The following PTPN14 variants were observed in gnomAD, a reference collection of about 807,000 sequenced individuals.
The protein encoded by PTPN14 is protein tyrosine phosphatase non-receptor type 14, also known as tyrosine-protein phosphatase non-receptor type 14.
Under a neutral mutation model 126.8 loss-of-function variants are expected in PTPN14, and 53 were observed. That is an observed-to-expected ratio of 0.42 (90% confidence interval 0.34 to 0.53). PTPN14 has a LOEUF of 0.53. Among genes scored for constraint, PTPN14 ranks in the 20% least tolerant of loss-of-function variants. The probability of loss-of-function intolerance (pLI) is 0.08; values close to 1 mark genes in which losing one functional copy is unlikely to be tolerated. For synonymous variants in PTPN14, 630 were observed against 599.3 expected, an observed-to-expected ratio of 1.05 and a Z score of -0.75; for missense variants, 1,257 against 1,552.9, an observed-to-expected ratio of 0.81 and a Z score of 3.20.
At chr1:214,487,386 G>A (rs917889868) in intron 1 of PTPN14, among the ~76,000 whole-genome samples, 4 of 152,194 alleles carry the variant, frequency 2.6e-5, no homozygotes, top group Non-Finnish European at 5.9e-5. Flanking sequence ...AGCATGTTGG[G>A]AGGCTGAGGT....
chr1:214,418,322 T>C (rs914852773), intron 3 of PTPN14, among the ~76,000 whole-genome samples: 5 of 152,248 alleles, frequency 3.3e-5, no homozygotes, highest in Non-Finnish European at 5.9e-5. Context: ...CCACAGAAGC[T>C]TGGGGGCCAT....
intron 1 of PTPN14, among the ~76,000 whole-genome samples, chr1:214,540,996 A>G (rs1655820395): frequency 6.6e-6 from 1 of 152,202 alleles, no homozygotes; most frequent in African/African-American, 2.4e-5. Flanking sequence ...ACATTTATTG[A>G]ACATGTACTC....
At position 214,357,661 on chromosome 1, in the gene PTPN14, T is replaced by G; in HGVS notation, c.*261A>C. On this transcript the variant is annotated 3_prime_UTR_variant, in exon 19 of 19. Coordinates refer to ENST00000366956, the MANE Select transcript of PTPN14 (RefSeq NM_005401.5). ...ATATTACAATACAGATCAGTCAAGA[T>G]GTGGTTCAAATGAAAAGTACTATAT... 2 of 289,568 alleles carry G rather than the reference T, an allele frequency of 6.9e-6. No individual in the cohort carries two copies. 17.9% of individuals were successfully genotyped at this position (289,568 alleles called of 1,614,324 possible). A position where few individuals can be genotyped will look rare whatever the true frequency, so the allele number is the denominator to read the frequency against.
intron 1 of PTPN14, among the ~76,000 whole-genome samples, chr1:214,470,860 T>A (rs544621070): frequency 2.5e-3 from 299 of 121,568 alleles, no homozygotes; most frequent in African/African-American, 3.6e-3. Flanking sequence ...CTAAAAAAAA[T>A]ATATATATAT....
At chr1:214,548,053 T>C (rs1272090478) in intron 1 of PTPN14, among the ~76,000 whole-genome samples, 1 of 152,204 alleles carries the variant, frequency 6.6e-6, no homozygotes, top group African/African-American at 2.4e-5. Context: ...ATCCTTGACC[T>C]ATTCTGTGTG....
At chr1:214,409,554 C>T (rs866783029) in intron 5 of PTPN14, among the ~76,000 whole-genome samples, 5 of 152,136 alleles carry the variant, frequency 3.3e-5, no homozygotes, top group African/African-American at 1.2e-4. Context: ...CTTTGACATA[C>T]CATTTCATTT....
intron 3 of PTPN14, among the ~76,000 whole-genome samples, chr1:214,421,235 T>C (rs1659537477): frequency 6.6e-6 from 1 of 152,234 alleles, no homozygotes; most frequent in Non-Finnish European, 1.5e-5. Context: ...AATGATATAT[T>C]GATACATGCT....
At chr1:214,403,763 C>A (rs1267021433) in intron 5 of PTPN14, among the ~76,000 whole-genome samples, 2 of 152,238 alleles carry the variant, frequency 1.3e-5, no homozygotes, top group Non-Finnish European at 2.9e-5. Flanking sequence ...GCAATGCATT[C>A]TTGAGAAATT....
intron 1 of PTPN14, among the ~76,000 whole-genome samples, chr1:214,475,341 T>C (rs1384950743): frequency 6.6e-6 from 1 of 152,276 alleles, no homozygotes; most frequent in East Asian, 1.9e-4. Flanking sequence ...TAAAAGGCAG[T>C]AGGAAAAATT....
At chr1:214,421,476 G>C (rs1571989240) in intron 3 of PTPN14, among the ~76,000 whole-genome samples, 1 of 152,008 alleles carries the variant, frequency 6.6e-6, no homozygotes, top group East Asian at 1.9e-4. Context: ...AACACTAAAA[G>C]TCACTGAATT....
intron 1 of PTPN14, among the ~76,000 whole-genome samples, chr1:214,542,719 A>G (rs1302601960): frequency 6.6e-6 from 1 of 152,226 alleles, no homozygotes; most frequent in Non-Finnish European, 1.5e-5. Flanking sequence ...GCAAGGAAAC[A>G]GCACAACATT....
At chr1:214,458,138 C>T (rs1253287980) in intron 2 of PTPN14, among the ~76,000 whole-genome samples, 1 of 152,158 alleles carries the variant, frequency 6.6e-6, no homozygotes, top group East Asian at 1.9e-4. Flanking sequence ...CAGCCTCATT[C>T]TCCCGAGCTC....
chr1:214,499,013 C>T (rs964679631), intron 1 of PTPN14, among the ~76,000 whole-genome samples: 1 of 152,020 alleles, frequency 6.6e-6, no homozygotes, highest in Non-Finnish European at 1.5e-5. Flanking sequence ...CTATGTTGTC[C>T]AGGCTGGCCT....
intron 16 of PTPN14, 50 bp downstream of exon 16, chr1:214,372,661 C>T: frequency 6.2e-7 from 1 of 1,612,454 alleles, no homozygotes. Flanking sequence ...CATCTTCTGG[C>T]CACCCTTTCC....
At chr1:214,531,598 A>C (rs2102470356) in intron 1 of PTPN14, 1 of 151,788 alleles carries the variant, frequency 6.6e-6, no homozygotes, top group Non-Finnish European at 1.5e-5. Flanking sequence ...GATTTCTCGT[A>C]TCTGCCCTGC....
intron 5 of PTPN14, among the ~76,000 whole-genome samples, chr1:214,411,019 A>G (rs927869080): frequency 6.6e-6 from 1 of 152,146 alleles, no homozygotes; most frequent in East Asian, 1.9e-4. Context: ...GGATTGCATT[A>G]ATTTGTAGAT....
intron 3 of PTPN14, among the ~76,000 whole-genome samples, chr1:214,447,162 G>A (rs1660162116): frequency 6.6e-6 from 1 of 152,034 alleles, no homozygotes; most frequent in Non-Finnish European, 1.5e-5. Context: ...CGCTCCTAAT[G>A]AATGTTGTTG....
At chr1:214,472,058 C>T (rs1660771940) in intron 1 of PTPN14, among the ~76,000 whole-genome samples, 1 of 152,172 alleles carries the variant, frequency 6.6e-6, no homozygotes, top group African/African-American at 2.4e-5. Flanking sequence ...CCTGTGTGGG[C>T]GTCAGCTTTG....
chr1:214,402,089 T>A lies in PTPN14; in HGVS notation c.582-317A>T, dbSNP rs149986263. 2.4e-3 allele frequency among the ~76,000 whole-genome samples: 357 copies of A among 151,728 alleles called. 1 individual carries two copies. Among genetic ancestry groups the A allele is most frequent in the African/African-American group, 8.5e-3 (351 of 41,360 alleles). On this transcript the variant is annotated intron_variant, in intron 6 of 18. Coordinates refer to ENST00000366956, the MANE Select transcript of PTPN14 (RefSeq NM_005401.5). ...TTAAAAAGAAGTTATTTTTCTCCCA[T>A]CTGGGAGAAATCTTCATTATTAAAA...
Sources: allele counts gnomAD v4.1 joint callset (sites outside exome capture counted in the v4.1 genomes callset), GRCh38; gene constraint gnomAD v4.1.1; transcripts MANE v1.5; gene names NCBI Gene and HGNC (gene_info 2026-07-23, HGNC 2026-07-21).